METAP1D: variants seen among roughly 807,000 people sequenced by gnomAD.
METAP1D encodes the protein methionine aminopeptidase 1D, mitochondrial.
METAP1D carries 31 observed loss-of-function variants against 40.5 expected under a neutral mutation model. The ratio of observed to expected loss-of-function variants is 0.77; its 90% confidence interval spans 0.58 to 1.03. METAP1D has a LOEUF of 1.03. METAP1D is among the 50% of genes least tolerant of loss of function. The probability of loss-of-function intolerance (pLI) is 0.00; values close to 1 mark genes in which losing one functional copy is unlikely to be tolerated. For synonymous variants in METAP1D, 151 were observed against 146.4 expected (o/e 1.03, Z -0.22); for missense variants, 411 against 420.7 (o/e 0.98, Z 0.20).
intron 1 of METAP1D, among the ~76,000 whole-genome samples, chr2:172,041,012 C>A (rs1461664121): frequency 6.6e-6 from 1 of 151,494 alleles, no homozygotes; most frequent in Non-Finnish European, 1.5e-5. Context: ...GTGATCCGCC[C>A]GCCTCGGCCT....
Position 172,056,616 on chromosome 2 carries a change from A to G in METAP1D, c.41-4882A>G, listed in dbSNP as rs576757769. Among the ~76,000 whole-genome samples, 226 of 152,356 alleles carry G rather than the reference A, an allele frequency of 1.5e-3. 3 individuals carry two copies. Among genetic ancestry groups the G allele is most frequent in the African/African-American group, 5.1e-3 (212 of 41,586 alleles). On this transcript the variant is annotated intron_variant, in intron 1 of 9. Transcript: ENST00000315796. ...AATGAGTTCATTAAGTAGTTGTTGA[A>G]TGAATGAAGGCATTTAGAGACCCCA...
intron 1 of METAP1D, among the ~76,000 whole-genome samples, chr2:172,032,255 TAA>T (rs2105414916): frequency 6.6e-6 from 1 of 152,354 alleles, no homozygotes; most frequent in South Asian, 2.1e-4. Flanking sequence ...CGTGATTTAT[TAA>T]GTCTGAGAGA....
In METAP1D at chr2:172,077,907, A is replaced by T; in HGVS notation, c.802+13A>T. On this transcript the variant is annotated intron_variant, in intron 7 of 9. Transcript: ENST00000315796. ...ATTTGGCATCATGGTAAGAAAGTTC[A>T]TTTGGAGGCTGTTTCTTGATCAGAG... is the stretch of plus-strand genomic sequence containing the variant. 1 of 1,427,156 alleles carries T rather than the reference A, an allele frequency of 7.0e-7. No individual in the cohort carries two copies. The highest frequency in any genetic ancestry group is 9.8e-7 in the Non-Finnish European group (1 of 1,017,992). 88.4% of individuals were successfully genotyped at this position (1,427,156 alleles called of 1,614,324 possible). A position where few individuals can be genotyped will look rare whatever the true frequency, so the allele number is the denominator to read the frequency against.
intron 2 of METAP1D, among the ~76,000 whole-genome samples, chr2:172,063,149 A>C (rs374649664): frequency 6.6e-6 from 1 of 152,210 alleles, no homozygotes; most frequent in South Asian, 2.1e-4. Flanking sequence ...TATTTGAAGA[A>C]TAAAACTTGT....
At chr2:172,061,740 A>G in intron 2 of METAP1D, 85 bp downstream of exon 2, 1 of 1,234,198 alleles carries the variant, frequency 8.1e-7, no homozygotes, top group Non-Finnish European at 1.1e-6. Context: ...TGCACCTTTG[A>G]TTTCTGAGCC....
chr2:172,019,790 C>T (rs1004211292), intron 1 of METAP1D, among the ~76,000 whole-genome samples: 2 of 152,114 alleles, frequency 1.3e-5, no homozygotes, highest in African/African-American at 4.8e-5. Flanking sequence ...TTGATTTAGA[C>T]GAGCCACCTC....
At chr2:172,048,726 T>G (rs1421261993) in intron 1 of METAP1D, among the ~76,000 whole-genome samples, 2 of 152,222 alleles carry the variant, frequency 1.3e-5, no homozygotes, top group Non-Finnish European at 2.9e-5. Context: ...CTTCAAAAAG[T>G]GTCCCATCCC....
chr2:172,078,638 A>C (rs1469834032), intron 7 of METAP1D, among the ~76,000 whole-genome samples: 1 of 152,162 alleles, frequency 6.6e-6, no homozygotes, highest in African/African-American at 2.4e-5. Context: ...ATCGCTGGAC[A>C]CCCAGCAGGT....
intron 1 of METAP1D, among the ~76,000 whole-genome samples, chr2:172,008,659 T>TA (rs1186482076): frequency 6.6e-6 from 1 of 151,998 alleles, no homozygotes; most frequent in African/African-American, 2.4e-5. Flanking sequence ...ATTTTAACAA[T>TA]ATACTGTAAT....
intron 1 of METAP1D, among the ~76,000 whole-genome samples, chr2:172,057,614 C>T (rs1332233248): frequency 2.0e-5 from 3 of 152,172 alleles, no homozygotes; most frequent in African/African-American, 7.2e-5. Context: ...TTTGTGATGC[C>T]TTTTCAATTT....
chr2:172,010,244 G>A (rs1688680682), intron 1 of METAP1D, among the ~76,000 whole-genome samples: 2 of 150,464 alleles, frequency 1.3e-5, no homozygotes, highest in Non-Finnish European at 3.0e-5. Context: ...AGGCCCAAGC[G>A]ATCCTTCCAC....
rs367785475 is a variant in METAP1D at position 172,042,840 on chromosome 2, C to CGT, written c.41-18649_41-18648dup. On this transcript the variant is annotated intron_variant, in intron 1 of 9. Coordinates refer to ENST00000315796, the MANE Select transcript of METAP1D (RefSeq NM_199227.3). ...GTGTGTGTGTATATGTACACATATA[C>CGT]GTGTGTGTGTATATATGTACATATA... Among the ~76,000 whole-genome samples, 86 of 38,558 alleles carry CGT rather than the reference C, an allele frequency of 2.2e-3. 38 individuals are homozygous for CGT. The highest frequency in any genetic ancestry group is 6.4e-3 in the African/African-American group (75 of 11,756). The allele number at this position is 38,558 out of a possible 152,430, so 25.3% of individuals were successfully genotyped here.
At chr2:172,026,749 A>G (rs1436975790) in intron 1 of METAP1D, among the ~76,000 whole-genome samples, 1 of 152,214 alleles carries the variant, frequency 6.6e-6, no homozygotes. Flanking sequence ...TGAATGGATG[A>G]CAGAACAGAA....
chr2:172,023,573 G>A lies in METAP1D; in HGVS notation c.40+23564G>A, dbSNP rs180678403. ...GTTGGTTACACCAGTACATGCATTC[G>A]TCAGGACTCATCGAATGGTACCTTA... On this transcript the variant is annotated intron_variant, in intron 1 of 9. Coordinates refer to ENST00000315796, the MANE Select transcript of METAP1D (RefSeq NM_199227.3). Among the ~76,000 whole-genome samples, 134 of 152,256 alleles carry A rather than the reference G, an allele frequency of 8.8e-4. 1 individual carries two copies. Among genetic ancestry groups the A allele is most frequent in the Non-Finnish European group, 7.4e-5 (5 of 68,016 alleles).
chr2:172,043,092 CATACATATAT>C (rs1194028729), intron 1 of METAP1D, among the ~76,000 whole-genome samples: 877 of 21,652 alleles, frequency 0.041, 89 homozygotes, highest in African/African-American at 0.053. Context: ...CATATATTTA[CATACATATAT>C]ATATATATAT....
chr2:172,080,150 C>T lies in METAP1D; in HGVS notation c.873C>T (p.Ser291=). The change falls in exon 9 of 10, where the codon TCC becomes TCT. Residue 291 remains serine (S), a synonymous_variant. Coordinates refer to ENST00000315796, the MANE Select transcript of METAP1D (RefSeq NM_199227.3). Reference sequence around the variant, plus strand: ...CAGAGCCAATCATCACGGAGGGATCCCCTGAATTTAAAGTCCTGGAGGATG... The same window carrying T: ...CAGAGCCAATCATCACGGAGGGATCTCCTGAATTTAAAGTCCTGGAGGATG... ...FTIEPIITEG[S]PEFKVLEDAW... is the part of the protein sequence containing the mutation. 7 of 1,614,150 alleles carry T rather than the reference C, an allele frequency of 4.3e-6. No individual in the cohort carries two copies. The highest frequency in any genetic ancestry group is 5.1e-6 in the Non-Finnish European group (6 of 1,180,000).
intron 1 of METAP1D, among the ~76,000 whole-genome samples, chr2:172,028,684 AT>A (rs1194117135): frequency 9.9e-5 from 15 of 152,104 alleles, no homozygotes; most frequent in Non-Finnish European, 7.4e-5. Flanking sequence ...AGGAAGACTT[AT>A]AAAGAAAAAT....
At chr2:172,031,903 G>C (rs1689249673) in intron 1 of METAP1D, among the ~76,000 whole-genome samples, 1 of 152,178 alleles carries the variant, frequency 6.6e-6, no homozygotes, top group South Asian at 2.1e-4. Flanking sequence ...TCAGCCATTT[G>C]GTCGGCCTGA....
chr2:171,999,999 C>T lies in METAP1D; in HGVS notation c.30C>T (p.Leu10=), dbSNP rs1220669312. The T allele has an allele frequency of 3.7e-6, 5 of 1,341,604 alleles. No individual in the cohort carries two copies. Among genetic ancestry groups the T allele is most frequent in the Non-Finnish European group, 3.9e-6 (4 of 1,038,068 alleles). 83.1% of individuals were successfully genotyped at this position (1,341,604 alleles called of 1,614,324 possible). MAAPSGVHL[L]VRRGSHRIFS... ...CGGCGCCCAGTGGCGTCCACCTGCT[C>T]GTCCGCAGAGGTAAGCGCGTGGAGG... The change falls in exon 1 of 10, where the codon CTC becomes CTT. Residue 10 remains leucine, a synonymous_variant. Coordinates refer to ENST00000315796, the MANE Select transcript of METAP1D (RefSeq NM_199227.3).
Sources: gnomAD v4.1 joint callset for allele counts (sites outside exome capture counted in the v4.1 genomes callset) on GRCh38, gnomAD v4.1.1 for gene constraint, MANE v1.5 for transcripts, NCBI Gene and HGNC (gene_info 2026-07-23, HGNC 2026-07-21) for gene names.